Variants in RERE observed in about 807,000 individuals in gnomAD.
The protein encoded by RERE is arginine-glutamic acid dipeptide repeats protein.
A neutral mutation model predicts 146.1 loss-of-function variants in RERE; 40 were observed. The observed-to-expected ratio is 0.27, with a 90% CI of 0.21 to 0.36. The LOEUF is 0.36. RERE is among the 10% of genes least tolerant of loss of function. The probability of loss-of-function intolerance (pLI) is 1.00; values close to 1 mark genes in which losing one functional copy is unlikely to be tolerated. For missense variants in RERE, 1,933 were observed against 2,138.7 expected (o/e 0.90, Z 1.90); for synonymous variants, 1,003 against 866.0 (o/e 1.16, Z -2.78).
intron 6 of RERE, among the ~76,000 whole-genome samples, chr1:8,549,736 T>C (rs963950443): frequency 1.3e-5 from 2 of 152,202 alleles, no homozygotes; most frequent in Admixed American, 1.3e-4. Context: ...ACAAGGTCAA[T>C]GTCACCAGTA....
chr1:8,735,976 T>G (rs1640188343), intron 1 of RERE, among the ~76,000 whole-genome samples: 1 of 152,176 alleles, frequency 6.6e-6, no homozygotes, highest in East Asian at 1.9e-4. Context: ...TCAACCACTC[T>G]CCTATATTGT....
At chr1:8,768,754 C>CG (rs1640892727) in intron 1 of RERE, among the ~76,000 whole-genome samples, 1 of 152,150 alleles carries the variant, frequency 6.6e-6, no homozygotes, top group Non-Finnish European at 1.5e-5. Context: ...ACAACACCGA[C>CG]GCTTGTCCCT....
chr1:8,602,589 G>T (rs1392278826), intron 4 of RERE, among the ~76,000 whole-genome samples: 1 of 151,050 alleles, frequency 6.6e-6, no homozygotes, highest in Non-Finnish European at 1.5e-5. Flanking sequence ...TAAAACTATA[G>T]CCAGGAATAC....
chr1:8,532,175 T>C (rs1164151713), intron 7 of RERE, among the ~76,000 whole-genome samples: 3 of 152,236 alleles, frequency 2.0e-5, no homozygotes, highest in Non-Finnish European at 4.4e-5. Flanking sequence ...TTCTATAAAT[T>C]TGGACATGCA....
chr1:8,362,612 C>T (rs532492848), intron 16 of RERE, 71 bp downstream of exon 16: 48 of 1,584,508 alleles, frequency 3.0e-5, no homozygotes, highest in Non-Finnish European at 3.1e-5. Flanking sequence ...GAGCTGATCA[C>T]GAATACCAGC....
intron 4 of RERE, among the ~76,000 whole-genome samples, chr1:8,559,552 G>C (rs60399482): frequency 4.6e-5 from 7 of 152,150 alleles, no homozygotes; most frequent in Admixed American, 6.5e-5. Context: ...ATGGGAAAAA[G>C]AGGACATACC....
intron 1 of RERE, chr1:8,750,332 T>G (rs1640507367): frequency 1.7e-6 from 1 of 592,478 alleles, no homozygotes; most frequent in South Asian, 2.0e-5. Flanking sequence ...GGTGGTAAAG[T>G]GCTACATGTA....
At chr1:8,496,548 G>C (rs927611723) in intron 9 of RERE, among the ~76,000 whole-genome samples, 1 of 151,970 alleles carries the variant, frequency 6.6e-6, no homozygotes, top group African/African-American at 2.4e-5. Flanking sequence ...AACCCATCCA[G>C]GGTTAAAATT....
chr1:8,497,287 T>TA (rs1343404382), intron 9 of RERE, 118 bp downstream of exon 9: 16 of 1,109,414 alleles, frequency 1.4e-5, no homozygotes, highest in Admixed American at 7.4e-5. Flanking sequence ...TAACCAAACT[T>TA]AAAGTCAGAG....
chr1:8,591,248 G>T (rs1202031301), intron 4 of RERE, among the ~76,000 whole-genome samples: 3 of 152,082 alleles, frequency 2.0e-5, no homozygotes, highest in Non-Finnish European at 4.4e-5. Flanking sequence ...ATAACTTACT[G>T]ATGTGAAGAG....
intron 1 of RERE, among the ~76,000 whole-genome samples, chr1:8,715,910 A>G (rs1393919425): frequency 6.8e-6 from 1 of 147,372 alleles, no homozygotes; most frequent in Non-Finnish European, 1.5e-5. Context: ...CTGGGGCGGG[A>G]CGGGCGGGGA....
At position 8,792,579 on chromosome 1, in the gene RERE, CA is replaced by C. The variant is rs1375333869; in HGVS notation, c.-145+24580del. The C allele has an allele frequency of 2.0e-5, 3 of 152,200 alleles. No homozygotes were observed. The East Asian group carries it at 5.8e-4, about 29-fold the overall frequency. 9.4% of individuals were successfully genotyped at this position (152,200 alleles called of 1,614,324 possible). A position where few individuals can be genotyped will look rare whatever the true frequency, so the allele number is the denominator to read the frequency against. ...GAGCGCACATACAGTTACTCCTAGA[CA>C]ATCACCTCCTAAAAGAAGACAGATG... is the stretch of plus-strand genomic sequence containing the variant. On this transcript the variant is annotated intron_variant, in intron 1 of 22. Coordinates refer to ENST00000400908, the MANE Select transcript of RERE (RefSeq NM_001042681.2).
chr1:8,569,305 GTAA>G (rs950146966), intron 4 of RERE, among the ~76,000 whole-genome samples: 6 of 146,536 alleles, frequency 4.1e-5, no homozygotes, highest in Non-Finnish European at 9.0e-5. Context: ...TGACATTTTT[GTAA>G]TAATACTTTG....
chr1:8,731,753 T>C (rs1259887575), intron 1 of RERE, among the ~76,000 whole-genome samples: 2 of 149,360 alleles, frequency 1.3e-5, no homozygotes, highest in African/African-American at 2.5e-5. Flanking sequence ...AGTATGGCAT[T>C]TTCTGAAAAA....
intron 7 of RERE, among the ~76,000 whole-genome samples, chr1:8,529,316 G>A (rs1645610438): frequency 1.0e-5 from 1 of 97,928 alleles, no homozygotes; most frequent in Non-Finnish European, 1.9e-5. Flanking sequence ...TTGAGATGGA[G>A]TCTCGCTCTG....
Position 8,465,940 on chromosome 1 carries a change from C to A in RERE, c.1188G>T (p.Trp396Cys). The A allele has an allele frequency of 6.2e-7, 1 of 1,614,138 alleles. No homozygotes were observed. Among genetic ancestry groups the A allele is most frequent in the South Asian group, 1.1e-5 (1 of 91,070 alleles). The change falls in exon 11 of 23, where the codon TGG becomes TGT. Residue 396 changes from tryptophan to cysteine, a missense_variant. Coordinates refer to ENST00000400908, the MANE Select transcript of RERE (RefSeq NM_001042681.2). ...TCCTGCTCACCACTTCGTCCTCGGT[C>A]CAGCACTTCTCGATGAGCTTGGGCA... ...KPVPKLIEKC[W>C]TEDEVKRFVK...
At chr1:8,473,112 T>C (rs929697054) in intron 10 of RERE, among the ~76,000 whole-genome samples, 1 of 152,206 alleles carries the variant, frequency 6.6e-6, no homozygotes, top group African/African-American at 2.4e-5. Context: ...GCAATCGGCC[T>C]TTGGTCTCTG....
intron 6 of RERE, among the ~76,000 whole-genome samples, chr1:8,544,383 G>C (rs1390026809): frequency 6.6e-6 from 1 of 151,836 alleles, no homozygotes; most frequent in African/African-American, 2.4e-5. Context: ...AATAGCCTAG[G>C]AACAACCCAA....
chr1:8,620,690 G>T (rs1447176065), intron 3 of RERE, among the ~76,000 whole-genome samples: 1 of 151,922 alleles, frequency 6.6e-6, no homozygotes, highest in Non-Finnish European at 1.5e-5. Context: ...ATTTAGTTCA[G>T]AAATCTACAG....
Sources: gnomAD v4.1 joint callset for allele counts (sites outside exome capture counted in the v4.1 genomes callset) on GRCh38, gnomAD v4.1.1 for gene constraint, MANE v1.5 for transcripts, NCBI Gene and HGNC (gene_info 2026-07-23, HGNC 2026-07-21) for gene names.